The following ATF7IP variants were observed in gnomAD, a reference collection of about 807,000 sequenced individuals.
ATF7IP encodes activating transcription factor 7-interacting protein 1.
Under a neutral mutation model 106.4 loss-of-function variants are expected in ATF7IP, and 23 were observed. That is an observed-to-expected ratio of 0.22 (90% CI 0.16 to 0.31). The LOEUF (loss-of-function observed/expected upper bound fraction) is 0.31. Among genes scored for constraint, ATF7IP ranks in the 10% least tolerant of loss-of-function variants. The pLI is 1.00. For missense variants in ATF7IP, 1,334 were observed against 1,524.3 expected (o/e 0.88, Z 2.08); for synonymous variants, 542 against 539.0 (o/e 1.01, Z -0.08).
chr12:14,489,574 G>C (rs558068939), intron 13 of ATF7IP, among the ~76,000 whole-genome samples: 1 of 152,270 alleles, frequency 6.6e-6, no homozygotes, highest in African/African-American at 2.4e-5. Context: ...GGCTATGGGA[G>C]AAACAGCACC....
At chr12:14,410,715 ATC>A (rs1940866618) in intron 1 of ATF7IP, among the ~76,000 whole-genome samples, 1 of 152,046 alleles carries the variant, frequency 6.6e-6, no homozygotes, top group African/African-American at 2.4e-5. Context: ...GTTATTGTCA[ATC>A]TCTTACTGTT....
chr12:14,456,508 G>T lies in ATF7IP; in HGVS notation c.1996-53G>T, dbSNP rs117027040. ...TCTACAGGTCTAATTTTTTTTTAAA[G>T]ATTCCCTGTGTGTTGAGTTTTATTT... is the stretch of plus-strand genomic sequence containing the variant. On this transcript the variant is annotated intron_variant, in intron 6 of 14. Transcript: ENST00000261168. 8,682 of 1,305,006 alleles carry T rather than the reference G, an allele frequency of 6.7e-3. 39 individuals are homozygous for T. Among genetic ancestry groups the T allele is most frequent in the Non-Finnish European group, 8.6e-3 (7,874 of 911,366 alleles). The allele number at this position is 1,305,006 out of a possible 1,614,324, so 80.8% of individuals were successfully genotyped here.
chr12:14,436,575 C>G (rs559469347), intron 4 of ATF7IP, among the ~76,000 whole-genome samples: 25 of 152,212 alleles, frequency 1.6e-4, no homozygotes. Flanking sequence ...GCCTGTAATC[C>G]CAGCTACCTG....
Position 14,498,755 on chromosome 12 carries a change from A to G in ATF7IP, c.*682A>G, listed in dbSNP as rs907044497. On this transcript the variant is annotated 3_prime_UTR_variant, in exon 15 of 15. Coordinates refer to ENST00000261168, the MANE Select transcript of ATF7IP (RefSeq NM_018179.5). Reference sequence around the variant, plus strand: ...CATGGCCAAAAATAAATAAATAAATATGGCCATATGTCCGTTGTTGCTTAG... The same window carrying G: ...CATGGCCAAAAATAAATAAATAAATGTGGCCATATGTCCGTTGTTGCTTAG... The G allele has an allele frequency of 1.3e-5, 2 of 152,600 alleles. No individual in the cohort carries two copies. The highest frequency in any genetic ancestry group is 4.8e-5 in the African/African-American group (2 of 41,420). 9.5% of individuals were successfully genotyped at this position (152,600 alleles called of 1,614,324 possible).
intron 1 of ATF7IP, among the ~76,000 whole-genome samples, chr12:14,395,573 G>A (rs1939792673): frequency 6.6e-6 from 1 of 151,898 alleles, no homozygotes; most frequent in African/African-American, 2.4e-5. Context: ...TTTCATTATA[G>A]TCTGTTACTA....
At chr12:14,413,446 A>G (rs1430926659) in intron 1 of ATF7IP, among the ~76,000 whole-genome samples, 1 of 152,192 alleles carries the variant, frequency 6.6e-6, no homozygotes, top group East Asian at 1.9e-4. Context: ...CAAAGAGATA[A>G]AGAAGACAAT....
chr12:14,383,412 G>T (rs2136415195), intron 1 of ATF7IP, among the ~76,000 whole-genome samples: 1 of 152,270 alleles, frequency 6.6e-6, no homozygotes, highest in African/African-American at 2.4e-5. Flanking sequence ...CAGAATGTAA[G>T]AAAGTGTTCA....
At chr12:14,429,294 C>T (rs1349004628) in intron 2 of ATF7IP, among the ~76,000 whole-genome samples, 1 of 152,124 alleles carries the variant, frequency 6.6e-6, no homozygotes, top group African/African-American at 2.4e-5. Flanking sequence ...CAGTTCTTCC[C>T]TCTTGAGACT....
intron 10 of ATF7IP, among the ~76,000 whole-genome samples, chr12:14,469,821 C>T (rs1280404057): frequency 2.0e-5 from 3 of 152,226 alleles, no homozygotes; most frequent in South Asian, 4.1e-4. Context: ...CAGGCAAAGA[C>T]TTCCAAGTCG....
chr12:14,476,209 T>C, intron 11 of ATF7IP: 1 of 361,958 alleles, frequency 2.8e-6, no homozygotes, highest in Non-Finnish European at 5.0e-6. Context: ...GTCAGGAGTT[T>C]GAGACCAGCC....
At chr12:14,397,164 A>G in intron 1 of ATF7IP, among the ~76,000 whole-genome samples, 1 of 152,198 alleles carries the variant, frequency 6.6e-6, no homozygotes, top group East Asian at 1.9e-4. Flanking sequence ...CTCCGTCTCT[A>G]AAAAAGAAAA....
chr12:14,399,928 A>G lies in ATF7IP; in HGVS notation c.-7-23981A>G, dbSNP rs185016083. 6.4e-3 allele frequency among the ~76,000 whole-genome samples: 980 copies of G among 152,328 alleles called. 10 individuals are homozygous for G. Among genetic ancestry groups the G allele is most frequent in the South Asian group, 0.035 (167 of 4,830 alleles). On this transcript the variant is annotated intron_variant, in intron 1 of 14. Coordinates refer to ENST00000261168, the MANE Select transcript of ATF7IP (RefSeq NM_018179.5). Reference sequence around the variant, plus strand: ...GTGGTGGGGAAGTGGTACTTGCTACACATGGGATATGCTGATAATTTGTCT... The same window carrying G: ...GTGGTGGGGAAGTGGTACTTGCTACGCATGGGATATGCTGATAATTTGTCT...
At chr12:14,379,216 T>C (rs1270070239) in intron 1 of ATF7IP, among the ~76,000 whole-genome samples, 1 of 152,144 alleles carries the variant, frequency 6.6e-6, no homozygotes, top group Non-Finnish European at 1.5e-5. Flanking sequence ...GTCATTTAAA[T>C]AGTGTGTAGC....
intron 3 of ATF7IP, 110 bp from the exon 4 acceptor site, chr12:14,435,996 G>C (rs1239656733): frequency 2.8e-6 from 3 of 1,073,412 alleles, no homozygotes; most frequent in Non-Finnish European, 4.0e-6. Flanking sequence ...CAAAATAGTT[G>C]GTTGAGAAGG....
chr12:14,430,227 A>G (rs1942050540), intron 2 of ATF7IP, among the ~76,000 whole-genome samples: 1 of 152,154 alleles, frequency 6.6e-6, no homozygotes, highest in African/African-American at 2.4e-5. Context: ...TGTTTTGAGG[A>G]GGGAATAAGG....
chr12:14,443,371 G>T (rs1427901856), intron 5 of ATF7IP, among the ~76,000 whole-genome samples: 1 of 151,920 alleles, frequency 6.6e-6, no homozygotes, highest in Non-Finnish European at 1.5e-5. Flanking sequence ...GAAACCTCTA[G>T]CACAAGAAGA....
chr12:14,446,693 CA>C (rs1365822801), intron 5 of ATF7IP, among the ~76,000 whole-genome samples: 1 of 152,096 alleles, frequency 6.6e-6, no homozygotes, highest in Non-Finnish European at 1.5e-5. Flanking sequence ...CACAGGCTTA[CA>C]TATTCAGGAA....
At chr12:14,464,544 A>AGGAT (rs1439095347) in intron 9 of ATF7IP, among the ~76,000 whole-genome samples, 1 of 152,206 alleles carries the variant, frequency 6.6e-6, no homozygotes, top group East Asian at 1.9e-4. Context: ...ATATGATAGA[A>AGGAT]GGATTTTAAG....
intron 1 of ATF7IP, among the ~76,000 whole-genome samples, chr12:14,422,312 TACACACACACACACACAC>T (rs59503201): frequency 2.3e-3 from 333 of 142,334 alleles, no homozygotes; most frequent in African/African-American, 7.7e-3. Context: ...AAAAAGAGAA[TACACACACACACACACAC>T]ACACACACAC....
Sources: gnomAD v4.1 joint callset for allele counts (sites outside exome capture counted in the v4.1 genomes callset) on GRCh38, gnomAD v4.1.1 for gene constraint, MANE v1.5 for transcripts, NCBI Gene and HGNC (gene_info 2026-07-23, HGNC 2026-07-21) for gene names.